MCF2L: variants seen among roughly 807,000 people sequenced by gnomAD.
MCF2L encodes the protein guanine nucleotide exchange factor DBS.
Under a neutral mutation model 153.4 loss-of-function variants are expected in MCF2L, and 97 were observed. The ratio of observed to expected loss-of-function variants is 0.63; its 90% CI spans 0.54 to 0.75. The LOEUF is 0.75. Among genes scored for constraint, MCF2L ranks in the 30% least tolerant of loss-of-function variants. MCF2L has a pLI of 0.00. For synonymous variants in MCF2L, 659 were observed against 632.2 expected, an observed-to-expected ratio of 1.04 and a Z score of -0.64; for missense variants, 1,347 against 1,495.2, an observed-to-expected ratio of 0.90 and a Z score of 1.64.
intron 2 of MCF2L, chr13:112,917,314 G>C: frequency 2.6e-6 from 1 of 379,412 alleles, no homozygotes; most frequent in Admixed American, 3.3e-5. Flanking sequence ...TCTCCGTCCA[G>C]TTCCTTTGGC....
At chr13:112,987,716 G>A (rs1046351549) in intron 1 of MCF2L, among the ~76,000 whole-genome samples, 5 of 152,220 alleles carry the variant, frequency 3.3e-5, no homozygotes, top group South Asian at 4.1e-4. Flanking sequence ...GCCCCCATCC[G>A]GCCTCTCATC....
At chr13:112,996,283 C>T (rs1339869376) in intron 1 of MCF2L, among the ~76,000 whole-genome samples, 2 of 152,162 alleles carry the variant, frequency 1.3e-5, no homozygotes, top group African/African-American at 4.8e-5. Flanking sequence ...TCGCATTATT[C>T]CACTCCAGCC....
Position 112,907,932 on chromosome 13 carries a change from G to T in MCF2L, c.169+5561G>T, listed in dbSNP as rs1412825274. ...GACGGCCTCTGAAGATGAACATGTT[G>T]TTTGTGGAAATGGTACTTGCAGTGT... is the stretch of plus-strand genomic sequence containing the variant. On this transcript the variant is annotated intron_variant, in intron 2 of 29. Transcript: ENST00000375608. This position sits in a 1 kb window ranked among gnomAD's most constrained non-coding sequence, Gnocchi z 5.1. Among the ~76,000 whole-genome samples the T allele has an allele frequency of 2.0e-5, 3 of 152,202 alleles. No homozygotes were observed. Among genetic ancestry groups the T allele is most frequent in the Admixed American group, 6.5e-5 (1 of 15,280 alleles).
At chr13:112,982,168 G>A (rs1594469815) in intron 1 of MCF2L, among the ~76,000 whole-genome samples, 1 of 152,204 alleles carries the variant, frequency 6.6e-6, no homozygotes, top group African/African-American at 2.4e-5. Flanking sequence ...AGAGGTCTAG[G>A]GGCCTAGTGG....
Position 113,088,307 on chromosome 13 carries a change from C to T in MCF2L, c.2689-20C>T, listed in dbSNP as rs1404984614. The stretch of plus-strand genomic sequence containing the variant: ...GGGGGCCTGAGTACTCACCTCCTGG[C>T]GTTTCTTTTGGGGAAACAGGCGCCA... On this transcript the variant is annotated intron_variant, in intron 23 of 29. Transcript: ENST00000535094. 5.0e-6 allele frequency: 8 copies of T among 1,606,958 alleles called. No homozygotes were observed. Among genetic ancestry groups the T allele is most frequent in the South Asian group, 1.1e-5 (1 of 90,920 alleles).
chr13:113,087,261 G>T lies in MCF2L; in HGVS notation c.2400G>T (p.Leu800=), dbSNP rs2034724315. Residue 800 remains leucine (L), a synonymous_variant, in exon 22 of 30, where the codon CTG becomes CTT. Coordinates refer to ENST00000535094, the MANE Select transcript of MCF2L (RefSeq NM_001112732.3). Reference sequence around the variant, plus strand: ...GGAATCTCGGCGACCTGGGCAAGCTGCTGATGCAGGGCTCGTTCAGCGTCT... The same window carrying T: ...GGAATCTCGGCGACCTGGGCAAGCTTCTGATGCAGGGCTCGTTCAGCGTCT... ...YDGNLGDLGK[L]LMQGSFSVWT... 1 of 1,612,404 alleles carries T rather than the reference G, an allele frequency of 6.2e-7. No individual in the cohort carries two copies.
intron 3 of MCF2L, chr13:113,040,437 T>TGTGTGTGTGTGTGTGTGTGTGC (rs10528245): frequency 7.0e-6 from 1 of 142,924 alleles, no homozygotes; most frequent in Admixed American, 6.7e-5. Context: ...TGTGTGTGTG[T>TGTGTGTGTGTGTGTGTGTGTGC]TTCTTTTCCT....
chr13:112,937,995 G>GATGA (rs2081536011), intron 2 of MCF2L, among the ~76,000 whole-genome samples: 1 of 72,214 alleles, frequency 1.4e-5, no homozygotes, highest in African/African-American at 5.7e-5. Flanking sequence ...AGCGCTAATT[G>GATGA]GTTGGTTCAA....
At chr13:113,019,588 G>A (rs191262750) in intron 2 of MCF2L, among the ~76,000 whole-genome samples, 4 of 152,338 alleles carry the variant, frequency 2.6e-5, no homozygotes, top group Admixed American at 1.3e-4. Flanking sequence ...GGGCAGAGTC[G>A]CACGTGCTCC....
At chr13:113,048,182 T>C (rs2086951892) in intron 4 of MCF2L, among the ~76,000 whole-genome samples, 1 of 152,250 alleles carries the variant, frequency 6.6e-6, no homozygotes, top group South Asian at 2.1e-4. Flanking sequence ...GAGTGTGTGA[T>C]CGGATGAATT....
intron 27 of MCF2L, chr13:113,095,403 T>G: frequency 9.1e-7 from 1 of 1,101,758 alleles, no homozygotes; most frequent in Non-Finnish European, 1.1e-6. Flanking sequence ...TGAGAACAGA[T>G]GTGGGGGACA....
rs560666092 is a variant in MCF2L, at chr13:112,898,458, C to T, written c.-4-3741C>T. ...CCCGTGAACCGAGCTCGGCAGGTGCCGGAACTGAGTCCAGGTCCAGCCTTT... is the reference window on the plus strand; with the variant it reads ...CCCGTGAACCGAGCTCGGCAGGTGCTGGAACTGAGTCCAGGTCCAGCCTTT... On this transcript the variant is annotated intron_variant, in intron 1 of 29. Transcript: ENST00000375608. Among the ~76,000 whole-genome samples, 12 of 152,252 alleles carry T rather than the reference C, an allele frequency of 7.9e-5. No individual in the cohort carries two copies. In the South Asian group the frequency reaches 8.3e-4, roughly 11 times the overall value.
At chr13:113,017,307 C>T (rs575644786) in intron 2 of MCF2L, among the ~76,000 whole-genome samples, 8 of 152,202 alleles carry the variant, frequency 5.3e-5, no homozygotes, top group Non-Finnish European at 1.0e-4. Context: ...GTGCCCCTTC[C>T]GGAGGCTCCT....
chr13:113,023,133 C>T lies in MCF2L; in HGVS notation c.164-1511C>T, dbSNP rs571245724. Among the ~76,000 whole-genome samples, 4 of 152,226 alleles carry T rather than the reference C, an allele frequency of 2.6e-5. No individual in the cohort carries two copies. In the East Asian group the frequency reaches 5.8e-4, roughly 22 times the overall value. The stretch of plus-strand genomic sequence containing the variant: ...TGTCCCAGGTGAAGGGGGGCCGTCA[C>T]GGTGTGTGGACGCCCCTCGGCTCAG... On this transcript the variant is annotated intron_variant, in intron 2 of 29. Coordinates refer to ENST00000535094, the MANE Select transcript of MCF2L (RefSeq NM_001112732.3).
At chr13:112,903,009 G>C (rs964355239) in intron 2 of MCF2L, among the ~76,000 whole-genome samples, 1 of 152,208 alleles carries the variant, frequency 6.6e-6, no homozygotes. Flanking sequence ...TGAGTTCTCT[G>C]TTCCTAGTTT....
intron 1 of MCF2L, among the ~76,000 whole-genome samples, chr13:112,990,797 G>A (rs530829533): frequency 6.6e-6 from 1 of 152,364 alleles, no homozygotes; most frequent in Admixed American, 6.5e-5. Flanking sequence ...GCCCAATGCT[G>A]CAGGGAAAGC....
At position 113,033,359 on chromosome 13, in the gene MCF2L, G is replaced by A. The variant is rs79073344; in HGVS notation, c.278+8601G>A. On this transcript the variant is annotated intron_variant, in intron 3 of 29. Coordinates refer to ENST00000535094, the MANE Select transcript of MCF2L (RefSeq NM_001112732.3). ...CCCCGTGACATTAGTGGACCCCGTG[G>A]CGTGAGTGGCCCCCGTGACGTGAGT... is the stretch of plus-strand genomic sequence containing the variant. Among the ~76,000 whole-genome samples, 129 of 25,942 alleles carry A rather than the reference G, an allele frequency of 5.0e-3. 1 individual carries two copies. The highest frequency in any genetic ancestry group is 0.026 in the Middle Eastern group (1 of 38). The allele number at this position is 25,942 out of a possible 152,430, so 17.0% of individuals were successfully genotyped here.
At chr13:112,916,151 T>C (rs2081289782) in intron 2 of MCF2L, among the ~76,000 whole-genome samples, 1 of 147,762 alleles carries the variant, frequency 6.8e-6, no homozygotes, top group Non-Finnish European at 1.5e-5. Context: ...GAGGTTGCAG[T>C]GAGCTGAGAT....
At chr13:113,091,282 C>G in intron 26 of MCF2L, 1 of 1,166,974 alleles carries the variant, frequency 8.6e-7, no homozygotes, top group South Asian at 1.3e-5. Flanking sequence ...TCAAGGCCAC[C>G]TAAGGGGGAT....
Sources: allele counts gnomAD v4.1 joint callset (sites outside exome capture counted in the v4.1 genomes callset), GRCh38; gene constraint gnomAD v4.1.1; non-coding constraint Gnocchi (gnomAD v3.1); transcripts MANE v1.5; gene names NCBI Gene and HGNC (gene_info 2026-07-23, HGNC 2026-07-21).